ATP9A: variants seen among roughly 807,000 people sequenced by gnomAD.
ATP9A encodes the protein probable phospholipid-transporting ATPase IIA.
In ATP9A, 52 loss-of-function variants were observed where a neutral mutation model predicts 144.1. The observed-to-expected ratio is 0.36, with a 90% CI of 0.29 to 0.45. The LOEUF (loss-of-function observed/expected upper bound fraction) is 0.45. Among genes scored for constraint, ATP9A ranks in the 20% least tolerant of loss-of-function variants. The pLI is 1.00. For synonymous variants in ATP9A, 582 were observed against 557.4 expected, an observed-to-expected ratio of 1.04 and a Z score of -0.62; for missense variants, 947 against 1,392.7, an observed-to-expected ratio of 0.68 and a Z score of 5.09.
At chr20:51,618,862 G>GGAGGGA in intron 20 of ATP9A, 56 bp from the exon 21 acceptor site, 1 of 1,582,444 alleles carries the variant, frequency 6.3e-7, no homozygotes, top group Non-Finnish European at 8.6e-7. Flanking sequence ...GTGCGTTGGT[G>GGAGGGA]GAGGTCGCTG....
intron 1 of ATP9A, among the ~76,000 whole-genome samples, chr20:51,742,141 C>T (rs2077787729): frequency 1.3e-5 from 2 of 151,974 alleles, no homozygotes; most frequent in South Asian, 4.1e-4. Context: ...CCGAGCAACA[C>T]GGTGAGACCT....
chr20:51,767,559 C>T (rs1601154522), intron 1 of ATP9A, among the ~76,000 whole-genome samples: 1 of 152,234 alleles, frequency 6.6e-6, no homozygotes, highest in Non-Finnish European at 1.5e-5. Flanking sequence ...AAAACCCTTG[C>T]CTGTTCCGCG....
At chr20:51,712,859 A>G (rs960553400) in intron 4 of ATP9A, 107 bp downstream of exon 4, 2 of 955,514 alleles carry the variant, frequency 2.1e-6, no homozygotes, top group Non-Finnish European at 3.3e-6. Context: ...CTGTTCCGCC[A>G]CGTGGCATTC....
chr20:51,657,154 C>T lies in ATP9A; in HGVS notation c.1294-4G>A, dbSNP rs1273560036. 1.9e-6 allele frequency: 3 copies of T among 1,610,706 alleles called. No homozygotes were observed. The highest frequency in any genetic ancestry group is 2.2e-5 in the East Asian group (1 of 44,792). On this transcript the variant is annotated splice_region_variant and splice_polypyrimidine_tract_variant and intron_variant, in intron 13 of 27. Transcript: ENST00000338821. ...GAGCCGGTGGGTCCTGGGATTGCTA[C>T]AGGAAGGAGAAATGAACAAGGAAGA...
chr20:51,707,501 C>T lies in ATP9A; in HGVS notation c.436+5465G>A, dbSNP rs562078943. Among the ~76,000 whole-genome samples, 4 of 152,302 alleles carry T rather than the reference C, an allele frequency of 2.6e-5. No individual in the cohort carries two copies. The South Asian group carries it at 6.2e-4, about 24-fold the overall frequency. On this transcript the variant is annotated intron_variant, in intron 4 of 27. Transcript: ENST00000338821. ...GAGCTCTTCCCATGCAAGAGCTTCA[C>T]TTACAGCAACCCTTTAAGGTAGGTG...
In ATP9A at chr20:51,611,064, T is replaced by C. The variant is rs149446566; in HGVS notation, c.2572-899A>G. Among the ~76,000 whole-genome samples the C allele has an allele frequency of 6.5e-3, 986 of 152,220 alleles. 16 individuals carry two copies. Among genetic ancestry groups the C allele is most frequent in the African/African-American group, 0.023 (937 of 41,532 alleles). ...AACACGGTCTCCAAGCTGATATCCA[T>C]TCATATAAAGCTGAAGGAAGGCCAG... On this transcript the variant is annotated intron_variant, in intron 23 of 27. Transcript: ENST00000338821. The surrounding 1 kb of genome is among the most constrained non-coding windows in gnomAD (Gnocchi z 4.2).
chr20:51,638,433 G>A (rs1297965423), intron 15 of ATP9A, among the ~76,000 whole-genome samples: 1 of 152,002 alleles, frequency 6.6e-6, no homozygotes. Flanking sequence ...ACTGAACCAA[G>A]GAATCGGTAT....
chr20:51,613,052 C>T (rs1017246686), intron 23 of ATP9A, among the ~76,000 whole-genome samples: 3 of 152,110 alleles, frequency 2.0e-5, no homozygotes, highest in Admixed American at 2.0e-4. Context: ...CTGCGGGACA[C>T]CACAAATTTC....
chr20:51,610,764 C>G (rs1341710477), intron 23 of ATP9A, among the ~76,000 whole-genome samples: 1 of 152,154 alleles, frequency 6.6e-6, no homozygotes, highest in Non-Finnish European at 1.5e-5. Context: ...GAAAAAGAGC[C>G]TCTGAAGTGT....
In ATP9A at chr20:51,692,979, C is replaced by T. The variant is rs1040056041; in HGVS notation, c.642+1029G>A. Among the ~76,000 whole-genome samples the T allele has an allele frequency of 7.9e-5, 12 of 152,286 alleles. No homozygotes were observed. The East Asian group carries it at 1.2e-3, about 15-fold the overall frequency. ...CCTCAGGGGACACAGTAAGGAGTGG[C>T]TTCGATCCATGTGACGTGAGCACAG... On this transcript the variant is annotated intron_variant, in intron 7 of 27. Coordinates refer to ENST00000338821, the MANE Select transcript of ATP9A (RefSeq NM_006045.3).
At chr20:51,635,066 G>A (rs996793748) in intron 15 of ATP9A, among the ~76,000 whole-genome samples, 2 of 152,032 alleles carry the variant, frequency 1.3e-5, no homozygotes, top group Non-Finnish European at 2.9e-5. Flanking sequence ...ACTTGCTTCT[G>A]ATAACAGCAT....
chr20:51,734,885 T>TCATCGACTTGCCTACATTGCCCACTCC (rs2077756991), intron 1 of ATP9A: 1 of 216,460 alleles, frequency 4.6e-6, no homozygotes, highest in African/African-American at 2.3e-5. Context: ...GCAGCAAAAT[T>TCATCGACTTGCCTACATTGCCCACTCC]CATCGACTTG....
rs1443811837 is a variant in ATP9A, at chr20:51,611,471, C to A, written c.2572-1306G>T. 6.6e-6 allele frequency among the ~76,000 whole-genome samples: 1 copy of A among 152,222 alleles called. No homozygotes were observed. Among genetic ancestry groups the A allele is most frequent in the Admixed American group, 6.5e-5 (1 of 15,286 alleles). On this transcript the variant is annotated intron_variant, in intron 23 of 27. Transcript: ENST00000338821. This position sits in a 1 kb window ranked among gnomAD's most constrained non-coding sequence, Gnocchi z 4.2. Reference sequence around the variant, plus strand: ...CCTAACCACAAAGTCTTCATCTCGACAAGAGCACTTTGGGAAAAATAAAAA... The same window carrying A: ...CCTAACCACAAAGTCTTCATCTCGAAAAGAGCACTTTGGGAAAAATAAAAA...
At position 51,597,409 on chromosome 20, in the gene ATP9A, T is replaced by C. The variant is rs1387691359; in HGVS notation, c.*3802A>G. 6.6e-6 allele frequency: 1 copy of C among 152,220 alleles called. No homozygotes were observed. The highest frequency in any genetic ancestry group is 1.5e-5 in the Non-Finnish European group (1 of 68,046). 9.4% of individuals were successfully genotyped at this position (152,220 alleles called of 1,614,324 possible). ...AGGGGGAGAAATAAAATGTGTTGTATTTACAAAGCTCTTTGTATATTTTTT... is the reference window on the plus strand; with the variant it reads ...AGGGGGAGAAATAAAATGTGTTGTACTTACAAAGCTCTTTGTATATTTTTT... On this transcript the variant is annotated 3_prime_UTR_variant, in exon 28 of 28. Transcript: ENST00000338821.
Position 51,622,159 on chromosome 20 carries a change from G to A in ATP9A, c.2030C>T (p.Thr677Ile). ...CGTAGCTGTCTCCAGCTTGTCCCCTGTCAGCATCCAAACCTGAAATCATGG... is the reference window on the plus strand; with the variant it reads ...CGTAGCTGTCTCCAGCTTGTCCCCTATCAGCATCCAAACCTGAAATCATGG... The part of the protein sequence containing the change: ...RNAGIKVWML[T>I]GDKLETATCT... The change falls in exon 19 of 28, where the codon ACA (threonine) becomes ATA (isoleucine). Residue 677 changes from threonine (T) to isoleucine (I), a missense_variant. This residue lies in a region of ATP9A where 770 missense variants were observed against 1,047.9 expected (regional missense o/e 0.73). Coordinates refer to ENST00000338821, the MANE Select transcript of ATP9A (RefSeq NM_006045.3). 6.2e-7 allele frequency: 1 copy of A among 1,614,006 alleles called. No homozygotes were observed. Among genetic ancestry groups the A allele is most frequent in the Non-Finnish European group, 8.5e-7 (1 of 1,179,918 alleles).
At chr20:51,642,094 T>C (rs1287460607) in intron 14 of ATP9A, among the ~76,000 whole-genome samples, 3 of 152,154 alleles carry the variant, frequency 2.0e-5, no homozygotes, top group African/African-American at 7.2e-5. Flanking sequence ...GAAGCCCTCC[T>C]GTATTCCTTT....
intron 4 of ATP9A, among the ~76,000 whole-genome samples, chr20:51,706,089 T>C (rs1199958864): frequency 2.0e-5 from 3 of 152,228 alleles, no homozygotes; most frequent in African/African-American, 4.8e-5. Flanking sequence ...CATCTGACAA[T>C]GAGGAGGCTA....
intron 10 of ATP9A, among the ~76,000 whole-genome samples, chr20:51,675,531 G>A (rs1051727937): frequency 1.3e-5 from 2 of 152,174 alleles, no homozygotes; most frequent in Non-Finnish European, 2.9e-5. Flanking sequence ...TGAGATGCAC[G>A]TGAAGGGTGA....
At chr20:51,765,589 T>C (rs1183224825) in intron 1 of ATP9A, among the ~76,000 whole-genome samples, 1 of 145,938 alleles carries the variant, frequency 6.9e-6, no homozygotes, top group Non-Finnish European at 1.5e-5. Context: ...AATGCGGACG[T>C]TGCAGTGAGC....
Sources: gnomAD v4.1 joint callset for allele counts (sites outside exome capture counted in the v4.1 genomes callset) on GRCh38, gnomAD v4.1.1 for gene constraint, gnomAD v4.1.1 regional missense constraint, Gnocchi (gnomAD v3.1) non-coding constraint, MANE v1.5 for transcripts, NCBI Gene and HGNC (gene_info 2026-07-23, HGNC 2026-07-21) for gene names.